Variants in CCDC171 observed in about 807,000 individuals in gnomAD.
CCDC171 encodes coiled-coil domain containing 171, also known as coiled-coil domain-containing protein 171.
Under a neutral mutation model 168.2 loss-of-function variants are expected in CCDC171, and 177 were observed. The observed-to-expected ratio is 1.05, with a 90% CI of 0.93 to 1.19. The LOEUF is 1.19. Among genes scored for constraint, CCDC171 ranks in the 50% most tolerant of loss-of-function variants. CCDC171 has a pLI of 0.00. For missense variants in CCDC171, 1,991 were observed against 1,539.0 expected (o/e 1.29, Z -4.91); for synonymous variants, 687 against 540.8 (o/e 1.27, Z -3.75).
At chr9:16,070,383 A>G in the CCDC171 span, among the ~76,000 whole-genome samples, 1 of 152,178 alleles carries the variant, frequency 6.6e-6, no homozygotes, top group Admixed American at 6.5e-5. Flanking sequence ...GGAAGGAAGG[A>G]ATCATATGAT....
At chr9:15,597,797 C>T (rs1170451392) in intron 6 of CCDC171, among the ~76,000 whole-genome samples, 1 of 152,086 alleles carries the variant, frequency 6.6e-6, no homozygotes, top group East Asian at 1.9e-4. Context: ...GGTTGGTAAG[C>T]TATTAATTAT....
intron 11 of CCDC171, among the ~76,000 whole-genome samples, chr9:15,712,871 T>C (rs953644412): frequency 6.6e-6 from 1 of 152,196 alleles, no homozygotes; most frequent in Non-Finnish European, 1.5e-5. Flanking sequence ...TATGACTCTT[T>C]TGTTCAATTT....
At chr9:15,890,406 G>C (rs1319469458) in intron 24 of CCDC171, among the ~76,000 whole-genome samples, 1 of 152,088 alleles carries the variant, frequency 6.6e-6, no homozygotes, top group African/African-American at 2.4e-5. Context: ...AAATGCTATT[G>C]TCAGGAAATA....
chr9:15,864,102 T>C lies in CCDC171; in HGVS notation c.3469-10430T>C, dbSNP rs189213522. Among the ~76,000 whole-genome samples the C allele has an allele frequency of 1.6e-3, 238 of 152,186 alleles. 1 individual carries two copies. The highest frequency in any genetic ancestry group is 5.6e-3 in the African/African-American group (233 of 41,558). On this transcript the variant is annotated intron_variant, in intron 23 of 25. Transcript: ENST00000380701. ...CTTGGTTAAGCTTTTACCTGGTTAC[T>C]GTAAACTTTCAGTTAGCTTCTCGAG...
intron 2 of CCDC171, among the ~76,000 whole-genome samples, chr9:15,569,563 C>A (rs2040033384): frequency 6.6e-6 from 1 of 152,014 alleles, no homozygotes; most frequent in African/African-American, 2.4e-5. Context: ...CGCCTGTAAT[C>A]CCAGCACTTT....
intron 23 of CCDC171, among the ~76,000 whole-genome samples, chr9:15,852,824 GA>G (rs2061190184): frequency 6.6e-6 from 1 of 151,506 alleles, no homozygotes; most frequent in African/African-American, 2.4e-5. Context: ...ACCATTTGTT[GA>G]AAAGGATGTT....
At chr9:16,103,456 G>T in the CCDC171 span, among the ~76,000 whole-genome samples, 7 of 152,144 alleles carry the variant, frequency 4.6e-5, no homozygotes, top group Admixed American at 6.5e-5. Context: ...ATGCTTTGAG[G>T]GATACTGGCA....
At chr9:16,006,330 C>T (rs967759345) in intron 3 of CCDC171, among the ~76,000 whole-genome samples, 6 of 152,156 alleles carry the variant, frequency 3.9e-5, no homozygotes, top group Admixed American at 6.6e-5. Flanking sequence ...TTTTGATTTG[C>T]ATTTCCCTGA....
At position 15,771,087 on chromosome 9, in the gene CCDC171, T is replaced by C. The variant is rs544056710; in HGVS notation, c.2672-6513T>C. 1.6e-3 allele frequency among the ~76,000 whole-genome samples: 250 copies of C among 152,342 alleles called. 1 individual carries two copies. Among genetic ancestry groups the C allele is most frequent in the African/African-American group, 5.7e-3 (237 of 41,602 alleles). On this transcript the variant is annotated intron_variant, in intron 18 of 25. Coordinates refer to ENST00000380701, the MANE Select transcript of CCDC171 (RefSeq NM_173550.4). ...GTTGCACTGTATATATCTACTGTAA[T>C]TTACTCAGCAAATTTCCTTTTGATG...
chr9:15,613,416 A>G (rs748756059), intron 6 of CCDC171, among the ~76,000 whole-genome samples: 1 of 152,242 alleles, frequency 6.6e-6, no homozygotes, highest in Non-Finnish European at 1.5e-5. Flanking sequence ...CTTCTAAATA[A>G]AGACTCAAAA....
chr9:16,001,608 T>C (rs1160971137), intron 3 of CCDC171, among the ~76,000 whole-genome samples: 1 of 151,888 alleles, frequency 6.6e-6, no homozygotes, highest in Non-Finnish European at 1.5e-5. Context: ...TATATGATGG[T>C]GGTCCCAATG....
At chr9:15,697,844 T>C (rs971103673) in intron 11 of CCDC171, among the ~76,000 whole-genome samples, 1 of 152,210 alleles carries the variant, frequency 6.6e-6, no homozygotes, top group Non-Finnish European at 1.5e-5. Context: ...GGCAATTTCT[T>C]TTTTGTTACC....
intron 13 of CCDC171, 130 bp from the exon 14 acceptor site, chr9:15,724,646 A>G (rs2053682245): frequency 4.8e-6 from 3 of 627,906 alleles, no homozygotes; most frequent in African/African-American, 3.6e-5. Flanking sequence ...ATGTAAACAA[A>G]TGCTTGCCTG....
At chr9:15,831,214 C>T (rs750688865) in intron 21 of CCDC171, among the ~76,000 whole-genome samples, 24 of 151,826 alleles carry the variant, frequency 1.6e-4, no homozygotes, top group South Asian at 4.2e-4. Context: ...CCTTGTGATC[C>T]GGCTGCCTCG....
intron 23 of CCDC171, among the ~76,000 whole-genome samples, chr9:15,864,496 G>C (rs992290117): frequency 4.0e-5 from 6 of 151,892 alleles, no homozygotes; most frequent in Non-Finnish European, 8.8e-5. Flanking sequence ...AGTGTGTGAT[G>C]TTCCACTTCT....
chr9:15,745,871 C>T (rs955746653), intron 18 of CCDC171, among the ~76,000 whole-genome samples: 2 of 151,672 alleles, frequency 1.3e-5, no homozygotes, highest in South Asian at 2.1e-4. Context: ...TTCTTTTTTT[C>T]TATCTGTTTT....
intron 6 of CCDC171, among the ~76,000 whole-genome samples, chr9:16,029,009 T>A (rs1367222778): frequency 6.6e-6 from 1 of 152,130 alleles, no homozygotes; most frequent in African/African-American, 2.4e-5. Flanking sequence ...GCCTTGAGCA[T>A]AGAGCCCCCT....
chr9:15,872,598 C>G (rs866281636), intron 23 of CCDC171, among the ~76,000 whole-genome samples: 2 of 151,976 alleles, frequency 1.3e-5, no homozygotes, highest in African/African-American at 4.8e-5. Flanking sequence ...TCATCAATAT[C>G]GCAGTTAAAC....
intron 1 of CCDC171, among the ~76,000 whole-genome samples, chr9:15,558,898 C>G (rs953898323): frequency 6.6e-6 from 1 of 152,114 alleles, no homozygotes; most frequent in Non-Finnish European, 1.5e-5. Flanking sequence ...CTACACACTG[C>G]TTTGAATGTG....
Sources: allele counts gnomAD v4.1 joint callset (sites outside exome capture counted in the v4.1 genomes callset), GRCh38; gene constraint gnomAD v4.1.1; transcripts MANE v1.5; gene names NCBI Gene and HGNC (gene_info 2026-07-23, HGNC 2026-07-21).